SLC45A4: variants seen among roughly 807,000 people sequenced by gnomAD.
SLC45A4 encodes solute carrier family 45 member 4, also known as polyamine-transporter SLC45A4.
Under a neutral mutation model 63.7 loss-of-function variants are expected in SLC45A4, and 32 were observed. The observed-to-expected ratio is 0.50, with a 90% CI of 0.38 to 0.67. SLC45A4 has a LOEUF of 0.67. Ranked by LOEUF, SLC45A4 falls within the 30% of genes least tolerant of loss-of-function variation. SLC45A4 has a pLI of 0.00. For synonymous variants in SLC45A4, 535 were observed against 510.0 expected (o/e 1.05, Z -0.66); for missense variants, 1,027 against 1,157.7 (o/e 0.89, Z 1.64).
At chr8:141,251,295 A>G (rs1828455035) in intron 2 of SLC45A4, among the ~76,000 whole-genome samples, 1 of 152,130 alleles carries the variant, frequency 6.6e-6, no homozygotes, top group South Asian at 2.1e-4. Context: ...GTGGTTCTTC[A>G]GTTCCACGAA....
intron 1 of SLC45A4, among the ~76,000 whole-genome samples, chr8:141,294,439 C>T (rs1213183716): frequency 6.6e-6 from 1 of 152,238 alleles, no homozygotes; most frequent in Non-Finnish European, 1.5e-5. Context: ...CAACCCAATT[C>T]CAAGGTAGCA....
intron 1 of SLC45A4, among the ~76,000 whole-genome samples, chr8:141,271,842 CCT>C (rs1491470047): frequency 1.3e-4 from 18 of 142,392 alleles, no homozygotes; most frequent in Admixed American, 1.1e-3. Flanking sequence ...GCAACACACA[CCT>C]GTGTACACAC....
intron 3 of SLC45A4, among the ~76,000 whole-genome samples, 196 bp from the exon 4 acceptor site, chr8:141,220,025 G>A (rs1442599116): frequency 3.9e-5 from 6 of 152,236 alleles, no homozygotes; most frequent in Non-Finnish European, 8.8e-5. Flanking sequence ...CACTTCTGAG[G>A]GTTCCAGGGT....
In SLC45A4 at chr8:141,210,164, CAG is replaced by C. The variant is rs1825729279; in HGVS notation, c.*1406_*1407del. ...GATCCTGACAAGTACAGCCAGGTCT[CAG>C]AGAGGGGATCTACAGTCTTAAAGCC... On this transcript the variant is annotated 3_prime_UTR_variant, in exon 9 of 9. Transcript: ENST00000517878. 1.3e-5 allele frequency: 2 copies of C among 152,264 alleles called. No individual in the cohort carries two copies. The highest frequency in any genetic ancestry group is 4.1e-4 in the South Asian group (2 of 4,840). The allele number at this position is 152,264 out of a possible 1,614,324, so 9.4% of individuals were successfully genotyped here. A position where few individuals can be genotyped will look rare whatever the true frequency, so the allele number is the denominator to read the frequency against.
At chr8:141,307,434 C>A (rs1000425111) in intron 1 of SLC45A4, among the ~76,000 whole-genome samples, 1 of 152,116 alleles carries the variant, frequency 6.6e-6, no homozygotes. Flanking sequence ...GAGCCACAGT[C>A]TGGCGGTGCA....
Position 141,219,806 on chromosome 8 carries a change from T to C in SLC45A4, c.454A>G (p.Asn152Asp). ...AIGLALGDVP[N>D]RQPIGIVLTV... is the part of the protein sequence containing the mutation. ...AGCACGATGCCAATGGGCTGCCGGT[T>C]GGGGACATCGCCGAGGGCCAGACCT... Residue 152 changes from asparagine (N) to aspartate (D), a missense_variant, in exon 4 of 9, where the codon AAC becomes GAC. Asn to Asp is a conservative substitution (Grantham distance 23). Coordinates refer to ENST00000517878, the MANE Select transcript of SLC45A4 (RefSeq NM_001286646.2). The C allele has an allele frequency of 6.3e-7, 1 of 1,589,726 alleles. No individual in the cohort carries two copies. Among genetic ancestry groups the C allele is most frequent in the South Asian group, 1.1e-5 (1 of 87,456 alleles).
intron 2 of SLC45A4, among the ~76,000 whole-genome samples, chr8:141,246,692 C>G (rs1828222590): frequency 1.5e-5 from 1 of 68,288 alleles, no homozygotes; most frequent in Non-Finnish European, 3.3e-5. Context: ...CTCTTAGAGC[C>G]TCTTTATACT....
intron 1 of SLC45A4, among the ~76,000 whole-genome samples, chr8:141,292,239 A>G (rs1395709373): frequency 2.0e-5 from 3 of 152,152 alleles, no homozygotes; most frequent in Admixed American, 2.0e-4. Flanking sequence ...TACATCCCCG[A>G]CCAGGGCACG....
chr8:141,224,616 T>G (rs957776450), intron 2 of SLC45A4: 2 of 152,290 alleles, frequency 1.3e-5, no homozygotes, highest in African/African-American at 4.8e-5. Flanking sequence ...ACCCGGCGGC[T>G]AATTTTTGTA....
chr8:141,228,837 C>T (rs1463306315), intron 2 of SLC45A4, among the ~76,000 whole-genome samples: 1 of 152,130 alleles, frequency 6.6e-6, no homozygotes, highest in African/African-American at 2.4e-5. Flanking sequence ...CAATACATCC[C>T]AAACCCATCT....
chr8:141,253,588 G>A (rs900161264), intron 2 of SLC45A4, among the ~76,000 whole-genome samples: 1 of 152,208 alleles, frequency 6.6e-6, no homozygotes, highest in Admixed American at 6.5e-5. Flanking sequence ...GGCACAGAAG[G>A]GCTCCCGAAT....
chr8:141,307,475 T>G (rs1199130867), intron 1 of SLC45A4, among the ~76,000 whole-genome samples: 1 of 151,174 alleles, frequency 6.6e-6, no homozygotes, highest in South Asian at 2.1e-4. Context: ...GGACACTGGC[T>G]AGCAGTGCTG....
At chr8:141,228,497 A>AGGCACCTGTCTTCACTGGCC (rs1827164525) in intron 2 of SLC45A4, 1 of 1,321,014 alleles carries the variant, frequency 7.6e-7, no homozygotes, top group Admixed American at 3.2e-5. Context: ...CTTCACTGGC[A>AGGCACCTGTCTTCACTGGCC]GGCACCTGTC....
intron 1 of SLC45A4, among the ~76,000 whole-genome samples, chr8:141,265,011 C>A (rs1412056841): frequency 6.6e-6 from 1 of 152,196 alleles, no homozygotes; most frequent in African/African-American, 2.4e-5. Context: ...AGTTTATAAT[C>A]TAATTCTTTT....
chr8:141,262,284 T>C (rs1315923174), intron 1 of SLC45A4, among the ~76,000 whole-genome samples: 3 of 150,610 alleles, frequency 2.0e-5, no homozygotes, highest in Non-Finnish European at 3.0e-5. Context: ...ACCTAGGCAA[T>C]ACCATTCAGG....
intron 2 of SLC45A4, among the ~76,000 whole-genome samples, chr8:141,239,596 A>ACG (rs1307909161): frequency 6.7e-5 from 10 of 148,932 alleles, no homozygotes; most frequent in African/African-American, 1.2e-4. Context: ...ACACACACAC[A>ACG]CACGCACGCA....
rs375296684 is a variant in SLC45A4 at position 141,212,421 on chromosome 8, G to A, written c.2077C>T (p.Arg693Cys). The part of the protein sequence containing the change: ...GGVVDAVGTV[R>C]VIPMVASVGS... ...ACAGAGGCCACCATGGGGATGACGC[G>A]GACAGTCCCCACGGCGTCGACCACG... The change falls in exon 8 of 9, where the codon CGC (arginine) becomes TGC (cysteine). Residue 693 changes from arginine to cysteine, a missense_variant. Coordinates refer to ENST00000517878, the MANE Select transcript of SLC45A4 (RefSeq NM_001286646.2). The A allele has an allele frequency of 8.7e-6, 14 of 1,613,632 alleles. No homozygotes were observed. Among genetic ancestry groups the A allele is most frequent in the South Asian group, 3.3e-5 (3 of 91,082 alleles).
At chr8:141,305,103 TCA>T (rs1008856632) in intron 1 of SLC45A4, among the ~76,000 whole-genome samples, 8 of 152,192 alleles carry the variant, frequency 5.3e-5, no homozygotes, top group African/African-American at 1.9e-4. Context: ...GTGCCTGATT[TCA>T]CAAAAGCTTA....
At chr8:141,279,661 C>T (rs1173216203) in intron 1 of SLC45A4, among the ~76,000 whole-genome samples, 2 of 151,394 alleles carry the variant, frequency 1.3e-5, no homozygotes, top group African/African-American at 4.9e-5. Flanking sequence ...CCCTCCCTGG[C>T]CAGGCTGCCC....
Sources: allele counts gnomAD v4.1 joint callset (sites outside exome capture counted in the v4.1 genomes callset), GRCh38; gene constraint gnomAD v4.1.1; transcripts MANE v1.5; gene names NCBI Gene and HGNC (gene_info 2026-07-23, HGNC 2026-07-21).